Variants in ADCY5 observed in about 807,000 individuals in gnomAD.
ADCY5 encodes the protein adenylate cyclase type 5.
In ADCY5, 30 loss-of-function variants were observed where a neutral mutation model predicts 119.7. The observed-to-expected ratio is 0.25, with a 90% CI of 0.19 to 0.34. The LOEUF (loss-of-function observed/expected upper bound fraction) is 0.34. ADCY5 is among the 10% of genes least tolerant of loss of function. The pLI is 1.00. For missense variants in ADCY5, 1,324 were observed against 1,775.2 expected (o/e 0.75, Z 4.57); for synonymous variants, 753 against 762.2 (o/e 0.99, Z 0.20).
chr3:123,345,214 G>A (rs1198683876), intron 3 of ADCY5, among the ~76,000 whole-genome samples: 2 of 152,204 alleles, frequency 1.3e-5, no homozygotes, highest in African/African-American at 2.4e-5. Flanking sequence ...AGCCAGCACC[G>A]TGGAACGAGG....
Position 123,447,435 on chromosome 3 carries a change from G to T in ADCY5, c.1111C>A (p.Gln371Lys). 1 of 1,596,818 alleles carries T rather than the reference G, an allele frequency of 6.3e-7. No homozygotes were observed. ...ACCTGCTTCAGCAGGAACTGGTCCTGGGCGTTGGTGCGCAGGGCGATGGCC... is the reference window on the plus strand; with the variant it reads ...ACCTGCTTCAGCAGGAACTGGTCCTTGGCGTTGGTGCGCAGGGCGATGGCC... ...HLAIALRTNA[Q>K]DQFLLKQLVS... Residue 371 changes from glutamine (Q) to lysine (K), a missense_variant, in exon 1 of 21, where the codon CAG becomes AAG. By Grantham distance (53) the Gln-to-Lys change is moderately conservative (BLOSUM62 1). This residue lies in a region of ADCY5 where 585 missense variants were observed against 569.9 expected (regional missense o/e 1.03). Coordinates refer to ENST00000462833, the MANE Select transcript of ADCY5 (RefSeq NM_183357.3).
rs1250238734 is a variant in ADCY5, at chr3:123,286,573, C to G, written c.3657+112G>C. 4.9e-6 allele frequency: 7 copies of G among 1,419,306 alleles called. No individual in the cohort carries two copies. Among genetic ancestry groups the G allele is most frequent in the Non-Finnish European group, 6.6e-6 (7 of 1,062,950 alleles). The allele number at this position is 1,419,306 out of a possible 1,614,324, so 87.9% of individuals were successfully genotyped here. A position where few individuals can be genotyped will look rare whatever the true frequency, so the allele number is the denominator to read the frequency against. On this transcript the variant is annotated intron_variant, in intron 20 of 20. Coordinates refer to ENST00000462833, the MANE Select transcript of ADCY5 (RefSeq NM_183357.3). The surrounding 1 kb of genome is among the most constrained non-coding windows in gnomAD (Gnocchi z 4.2). ...GTCAACAGCCCCATCACCCTTGAAT[C>G]TGGCTGCAGACATTCTGACTGGGAA... is the stretch of plus-strand genomic sequence containing the variant.
At chr3:123,316,491 C>T (rs917090852) in intron 11 of ADCY5, among the ~76,000 whole-genome samples, 3 of 152,170 alleles carry the variant, frequency 2.0e-5, no homozygotes, top group Admixed American at 6.5e-5. Flanking sequence ...TATACAGTTA[C>T]GGAAGTTGTC....
At chr3:123,322,876 TCTCA>T (rs1185889257) in intron 8 of ADCY5, among the ~76,000 whole-genome samples, 2 of 152,158 alleles carry the variant, frequency 1.3e-5, no homozygotes, top group Non-Finnish European at 2.9e-5. Context: ...TTCTAACAGC[TCTCA>T]CTCACTACTT....
intron 3 of ADCY5, among the ~76,000 whole-genome samples, chr3:123,335,439 T>C (rs1021333951): frequency 4.6e-5 from 7 of 152,166 alleles, no homozygotes; most frequent in African/African-American, 1.7e-4. Context: ...CGTTCGCACC[T>C]CATAACCACC....
Position 123,424,179 on chromosome 3 carries a change from G to A in ADCY5, c.1134+23233C>T, listed in dbSNP as rs182098287. Among the ~76,000 whole-genome samples, 9 of 152,354 alleles carry A rather than the reference G, an allele frequency of 5.9e-5. No homozygotes were observed. The East Asian group carries it at 1.7e-3, about 29-fold the overall frequency. ...CGTGGGACTGTGGGGGCCAAGGGGTGGGCATTTGCTCTGAGATGGAATGGT... is the reference window on the plus strand; with the variant it reads ...CGTGGGACTGTGGGGGCCAAGGGGTAGGCATTTGCTCTGAGATGGAATGGT... On this transcript the variant is annotated intron_variant, in intron 1 of 20. Transcript: ENST00000462833.
rs1939937672 is a variant in ADCY5 at position 123,303,084 on chromosome 3, T to C, written c.2695A>G (p.Ser899Gly). 1 of 1,613,674 alleles carries C rather than the reference T, an allele frequency of 6.2e-7. No homozygotes were observed. The highest frequency in any genetic ancestry group is 1.7e-5 in the Admixed American group (1 of 60,008). Residue 899 changes from serine to glycine, a missense_variant, in exon 14 of 21, where the codon AGC (serine) becomes GGC (glycine). Transcript: ENST00000462833. ...SLGDEQGFCG[S>G]PWPNCNFPEY... ...GGGAAGTTGCAGTTGGGCCAGGGGC[T>C]GCCACAGAAGCCCTGCTCATCGCCC...
intron 1 of ADCY5, among the ~76,000 whole-genome samples, chr3:123,415,031 GAGA>G (rs1351559563): frequency 2.6e-5 from 4 of 152,194 alleles, no homozygotes; most frequent in Non-Finnish European, 5.9e-5. Flanking sequence ...GGTCCCTAGA[GAGA>G]AGATCCTTGG....
At chr3:123,420,821 A>C (rs962053100) in intron 1 of ADCY5, among the ~76,000 whole-genome samples, 2 of 152,198 alleles carry the variant, frequency 1.3e-5, no homozygotes, top group Non-Finnish European at 2.9e-5. Flanking sequence ...CCAGAAGTCC[A>C]AAATCAAAAC....
chr3:123,285,346 C>G (rs866623107), intron 20 of ADCY5, among the ~76,000 whole-genome samples: 1 of 152,190 alleles, frequency 6.6e-6, no homozygotes. Flanking sequence ...GTCTTGTTGT[C>G]TGGCTCTGCT....
chr3:123,349,440 G>T (rs1232109404), intron 2 of ADCY5, among the ~76,000 whole-genome samples: 1 of 151,972 alleles, frequency 6.6e-6, no homozygotes, highest in Non-Finnish European at 1.5e-5. Context: ...TGCAGTTCTC[G>T]CCTGGCTCTT....
rs1466661016 is a variant in ADCY5 at position 123,286,677 on chromosome 3, G to A, written c.3657+8C>T. On this transcript the variant is annotated splice_region_variant and intron_variant, in intron 20 of 20. Coordinates refer to ENST00000462833, the MANE Select transcript of ADCY5 (RefSeq NM_183357.3). The surrounding 1 kb of genome is among the most constrained non-coding windows in gnomAD (Gnocchi z 4.2). Reference sequence around the variant, plus strand: ...GGGGTGAGGGGTGGTGGATGCTCCTGCACTCACCTGGATGCGGTCGGGTAC... The same window carrying A: ...GGGGTGAGGGGTGGTGGATGCTCCTACACTCACCTGGATGCGGTCGGGTAC... 1 of 1,605,176 alleles carries A rather than the reference G, an allele frequency of 6.2e-7. No individual in the cohort carries two copies. Among genetic ancestry groups the A allele is most frequent in the Non-Finnish European group, 8.5e-7 (1 of 1,175,766 alleles).
chr3:123,291,477 A>G (rs1939145829), intron 17 of ADCY5, 101 bp from the exon 18 acceptor site: 3 of 1,432,074 alleles, frequency 2.1e-6, no homozygotes, highest in Admixed American at 4.5e-5. Flanking sequence ...AGCACCAGTC[A>G]CGCAAATGCC....
At chr3:123,429,257 G>T (rs902917361) in intron 1 of ADCY5, among the ~76,000 whole-genome samples, 4 of 152,202 alleles carry the variant, frequency 2.6e-5, no homozygotes, top group African/African-American at 9.7e-5. Context: ...AGCCCTAGGG[G>T]CTCATTAGGA....
At chr3:123,397,687 C>G (rs548041767) in intron 1 of ADCY5, among the ~76,000 whole-genome samples, 1 of 152,264 alleles carries the variant, frequency 6.6e-6, no homozygotes, top group East Asian at 1.9e-4. Flanking sequence ...GGTTTAAATC[C>G]CTTCTTCTGT....
intron 1 of ADCY5, among the ~76,000 whole-genome samples, chr3:123,414,044 G>A (rs186157713): frequency 6.6e-6 from 1 of 152,186 alleles, no homozygotes; most frequent in Non-Finnish European, 1.5e-5. Context: ...GGAGGAGGGA[G>A]AGAGACTGAG....
intron 7 of ADCY5, among the ~76,000 whole-genome samples, chr3:123,325,773 T>C (rs1559807776): frequency 1.3e-5 from 2 of 152,234 alleles, no homozygotes; most frequent in Non-Finnish European, 2.9e-5. Context: ...CCCTGTAAGT[T>C]CGACTGTAAG....
At position 123,448,284 on chromosome 3, in the gene ADCY5, G is replaced by C; in HGVS notation, c.262C>G (p.Pro88Ala). The change falls in exon 1 of 21, where the codon CCC (proline) becomes GCC (alanine). Residue 88 changes from proline (P) to alanine (A), a missense_variant. Pro to Ala is a conservative substitution (Grantham distance 27). Around this residue, in one of 6 missense-constraint regions of ADCY5, gnomAD observed 585 missense variants for 569.9 expected, o/e 1.03. Transcript: ENST00000462833. ...DDDPPLSGDD[P>A]LAGGFGFSFR... Reference sequence around the variant, plus strand: ...CTGAAGCCGAAGCCCCCGGCCAGGGGGTCGTCACCGCTCAGCGGAGGATCG... The same window carrying C: ...CTGAAGCCGAAGCCCCCGGCCAGGGCGTCGTCACCGCTCAGCGGAGGATCG... 12 of 1,528,968 alleles carry C rather than the reference G, an allele frequency of 7.8e-6. No homozygotes were observed. Among genetic ancestry groups the C allele is most frequent in the Non-Finnish European group, 1.0e-5 (12 of 1,147,952 alleles). The allele number at this position is 1,528,968 out of a possible 1,614,324, so 94.7% of individuals were successfully genotyped here. A position where few individuals can be genotyped will look rare whatever the true frequency, so the allele number is the denominator to read the frequency against.
chr3:123,352,658 G>A lies in ADCY5; in HGVS notation c.1135-77C>T, dbSNP rs1019175682. On this transcript the variant is annotated intron_variant, in intron 1 of 20. Coordinates refer to ENST00000462833, the MANE Select transcript of ADCY5 (RefSeq NM_183357.3). The surrounding 1 kb of genome is among the most constrained non-coding windows in gnomAD (Gnocchi z 4.8). ...CCAAAGCATGAAGCCCTCAGCCCCT[G>A]TCTCAGCAAACTCACACCTGGCGCT... The A allele has an allele frequency of 9.4e-6, 14 of 1,489,236 alleles. No individual in the cohort carries two copies. The highest frequency in any genetic ancestry group is 1.3e-5 in the Non-Finnish European group (14 of 1,108,838). The allele number at this position is 1,489,236 out of a possible 1,614,324, so 92.3% of individuals were successfully genotyped here. A position where few individuals can be genotyped will look rare whatever the true frequency, so the allele number is the denominator to read the frequency against.
Sources: allele counts gnomAD v4.1 joint callset (sites outside exome capture counted in the v4.1 genomes callset), GRCh38; gene constraint gnomAD v4.1.1; regional missense constraint gnomAD v4.1.1; non-coding constraint Gnocchi (gnomAD v3.1); transcripts MANE v1.5; gene names NCBI Gene and HGNC (gene_info 2026-07-23, HGNC 2026-07-21).